The following RAD51B variants were observed in gnomAD, a reference collection of about 807,000 sequenced individuals.
The protein encoded by RAD51B is DNA repair protein RAD51 homolog 2.
RAD51B carries 38 observed loss-of-function variants against 42.2 expected under a neutral mutation model. That is an observed-to-expected ratio of 0.90 (90% confidence interval 0.70 to 1.18). The LOEUF is 1.18. Ranked by LOEUF, RAD51B falls within the 50% of genes most tolerant of loss-of-function variation. The pLI is 0.00. For missense variants in RAD51B, 373 were observed against 400.7 expected (o/e 0.93, Z 0.59); for synonymous variants, 154 against 145.2 (o/e 1.06, Z -0.43).
At chr14:67,861,994 G>C (rs1220469689) in intron 4 of RAD51B, among the ~76,000 whole-genome samples, 1 of 152,010 alleles carries the variant, frequency 6.6e-6, no homozygotes, top group African/African-American at 2.4e-5. Context: ...AGGGGGAATA[G>C]GGGAAGGAGA....
At chr14:68,094,612 G>A (rs962279565) in intron 7 of RAD51B, among the ~76,000 whole-genome samples, 8 of 152,108 alleles carry the variant, frequency 5.3e-5, no homozygotes, top group African/African-American at 1.9e-4. Flanking sequence ...GGAAATGGGG[G>A]AGTAGTGATA....
chr14:68,398,184 C>T (rs529194905), intron 8 of RAD51B, among the ~76,000 whole-genome samples: 1 of 152,362 alleles, frequency 6.6e-6, no homozygotes, highest in Non-Finnish European at 1.5e-5. Flanking sequence ...AGCTCTCCCT[C>T]TGACCAGGTG....
chr14:68,283,438 G>A (rs929963416), intron 7 of RAD51B, among the ~76,000 whole-genome samples: 1 of 152,184 alleles, frequency 6.6e-6, no homozygotes, highest in Non-Finnish European at 1.5e-5. Context: ...CATTGGCCTT[G>A]TTCTCTTCCA....
intron 9 of RAD51B, among the ~76,000 whole-genome samples, chr14:68,465,906 A>G (rs1356062091): frequency 2.7e-5 from 4 of 150,732 alleles, no homozygotes; most frequent in Non-Finnish European, 3.0e-5. Context: ...GCGCCACTGC[A>G]CTCCAGCCTG....
At chr14:68,510,366 G>A (rs1050523078) in intron 10 of RAD51B, among the ~76,000 whole-genome samples, 1 of 152,212 alleles carries the variant, frequency 6.6e-6, no homozygotes, top group Non-Finnish European at 1.5e-5. Flanking sequence ...AGGGAAGGGA[G>A]GTAGAGTAGG....
chr14:68,548,350 C>T (rs1372189438), intron 10 of RAD51B, among the ~76,000 whole-genome samples: 3 of 152,222 alleles, frequency 2.0e-5, no homozygotes, highest in East Asian at 1.9e-4. Context: ...GCTTCTACCC[C>T]GGCTCCCACT....
At chr14:68,303,457 T>TAAAAAAAAAAAAAAAAA (rs58955054) in intron 8 of RAD51B, among the ~76,000 whole-genome samples, 2 of 138,740 alleles carry the variant, frequency 1.4e-5, no homozygotes, top group African/African-American at 2.8e-5. Context: ...TAAAGTATAA[T>TAAAAAAAAAAAAAAAAA]AAAAAAAAAA....
rs36113786 is a variant in RAD51B, at chr14:67,953,571, C to T, written c.756+66367C>T. Among the ~76,000 whole-genome samples, 844 of 151,974 alleles carry T rather than the reference C, an allele frequency of 5.6e-3. 1 individual carries two copies. The highest frequency in any genetic ancestry group is 0.01 in the Admixed American group (155 of 15,238). On this transcript the variant is annotated intron_variant, in intron 7 of 10. Coordinates refer to ENST00000471583, the MANE Select transcript of RAD51B (RefSeq NM_133510.4). ...ATTAATGGGAAGGATATAGTGGAGT[C>T]GGGAGAGGTTAGAATCAAGAATTAA...
At chr14:68,521,419 C>G (rs1886570438) in intron 10 of RAD51B, among the ~76,000 whole-genome samples, 1 of 152,170 alleles carries the variant, frequency 6.6e-6, no homozygotes, top group African/African-American at 2.4e-5. Flanking sequence ...TGCTTCATGA[C>G]TCTAAGTTAT....
chr14:68,208,784 C>T (rs2079645444), intron 7 of RAD51B, among the ~76,000 whole-genome samples: 1 of 152,162 alleles, frequency 6.6e-6, no homozygotes, highest in Non-Finnish European at 1.5e-5. Context: ...TACAGCATCT[C>T]TATTCAACAG....
chr14:68,545,761 A>G, intron 10 of RAD51B: 2 of 399,782 alleles, frequency 5.0e-6, no homozygotes, highest in South Asian at 3.7e-5. Context: ...TGAATAGGAC[A>G]TGGAATATAG....
intron 7 of RAD51B, among the ~76,000 whole-genome samples, chr14:68,278,672 G>GTTTGT (rs2081267431): frequency 1.3e-5 from 2 of 152,158 alleles, no homozygotes; most frequent in East Asian, 3.8e-4. Flanking sequence ...TTGTTTGTTT[G>GTTTGT]TTTGTTTTGT....
intron 7 of RAD51B, among the ~76,000 whole-genome samples, chr14:68,275,115 T>G (rs1245257759): frequency 1.3e-5 from 2 of 152,200 alleles, no homozygotes; most frequent in Non-Finnish European, 2.9e-5. Flanking sequence ...ATCCATTGTT[T>G]AATGAGACAT....
At chr14:68,517,930 C>CT (rs1231315434) in intron 10 of RAD51B, among the ~76,000 whole-genome samples, 4 of 152,086 alleles carry the variant, frequency 2.6e-5, no homozygotes, top group African/African-American at 4.8e-5. Flanking sequence ...ACTTGCACCC[C>CT]TTCCTTTGTA....
intron 10 of RAD51B, among the ~76,000 whole-genome samples, chr14:68,608,172 T>C (rs1253581771): frequency 6.6e-6 from 1 of 152,170 alleles, no homozygotes; most frequent in Non-Finnish European, 1.5e-5. Context: ...TGCCCTTCTC[T>C]TAGGCCTCCC....
intron 7 of RAD51B, among the ~76,000 whole-genome samples, chr14:68,032,694 A>G (rs1451553375): frequency 6.6e-6 from 1 of 152,210 alleles, no homozygotes; most frequent in East Asian, 1.9e-4. Context: ...CCCCTTTGCC[A>G]CACTATTCCA....
intron 11 of RAD51B, among the ~76,000 whole-genome samples, chr14:68,652,081 A>G (rs10143428): frequency 0.27 from 41,186 of 152,086 alleles, 6,070 homozygotes; most frequent in African/African-American, 0.34. Context: ...CCAAGGGTTG[A>G]GGCCTCAGGC....
intron 10 of RAD51B, among the ~76,000 whole-genome samples, chr14:68,586,007 G>A (rs1214119284): frequency 1.3e-5 from 2 of 152,116 alleles, no homozygotes; most frequent in Non-Finnish European, 2.9e-5. Flanking sequence ...AAGCATCCAC[G>A]GCACGTTACG....
chr14:68,349,701 A>G (rs1281976978), intron 8 of RAD51B, among the ~76,000 whole-genome samples: 1 of 152,070 alleles, frequency 6.6e-6, no homozygotes, highest in Non-Finnish European at 1.5e-5. Flanking sequence ...AGCTTGGTTG[A>G]TATCCTGCTT....
Sources: gnomAD v4.1 joint callset for allele counts (sites outside exome capture counted in the v4.1 genomes callset) on GRCh38, gnomAD v4.1.1 for gene constraint, MANE v1.5 for transcripts, NCBI Gene and HGNC (gene_info 2026-07-23, HGNC 2026-07-21) for gene names.